Variants in SUZ12 observed in about 807,000 individuals in gnomAD.
SUZ12 encodes the protein SUZ12 polycomb repressive complex 2 subunit.
A neutral mutation model predicts 87.3 loss-of-function variants in SUZ12; 17 were observed. The ratio of observed to expected loss-of-function variants is 0.19; its 90% CI spans 0.13 to 0.29. SUZ12 has a LOEUF of 0.29. Ranked by LOEUF, SUZ12 falls within the 10% of genes least tolerant of loss-of-function variation. The pLI, the probability that SUZ12 is intolerant of heterozygous loss-of-function variation, is 1.00. For missense variants in SUZ12, 526 were observed against 912.2 expected (o/e 0.58, Z 5.45); for synonymous variants, 253 against 312.4 (o/e 0.81, Z 2.01).
intron 15 of SUZ12, 137 bp downstream of exon 15, chr17:31,997,014 A>G (rs1158328559): frequency 1.6e-6 from 1 of 606,684 alleles, no homozygotes; most frequent in African/African-American, 1.9e-5. Context: ...ATTTTATTCT[A>G]TTCCAATGTT....
Position 31,973,243 on chromosome 17 carries a change from A to G in SUZ12, c.591+12A>G, listed in dbSNP as rs550954961. 7.3e-7 allele frequency: 1 copy of G among 1,378,484 alleles called. No individual in the cohort carries two copies. Among genetic ancestry groups the G allele is most frequent in the East Asian group, 2.5e-5 (1 of 40,138 alleles). 85.4% of individuals were successfully genotyped at this position (1,378,484 alleles called of 1,614,324 possible). On this transcript the variant is annotated intron_variant, in intron 6 of 15. Transcript: ENST00000322652. ...ACAAAAAAAGAAAGGTAATGTCAAC[A>G]AAATGATATTGGTAGATTAAATGGA...
intron 4 of SUZ12, among the ~76,000 whole-genome samples, chr17:31,960,154 G>T (rs1296498365): frequency 6.6e-6 from 1 of 152,036 alleles, no homozygotes; most frequent in African/African-American, 2.4e-5. Flanking sequence ...CTTTTCCTTG[G>T]AACAAACCAC....
In SUZ12 at chr17:31,986,379, G is replaced by T. The variant is rs1013194036; in HGVS notation, c.1024-1941G>T. ...TCCTTAATTGACTAAACCAGTGCTG[G>T]TCTAATAGATAATTGGGTTATTTGA... On this transcript the variant is annotated intron_variant, in intron 9 of 15. Coordinates refer to ENST00000322652, the MANE Select transcript of SUZ12 (RefSeq NM_015355.4). Among the ~76,000 whole-genome samples the T allele has an allele frequency of 7.9e-5, 12 of 152,010 alleles. 1 individual carries two copies. The East Asian group carries it at 1.5e-3, about 20-fold the overall frequency.
chr17:31,997,666 CAAAAAAAA>C (rs892389046), intron 15 of SUZ12, among the ~76,000 whole-genome samples: 3 of 70,422 alleles, frequency 4.3e-5, no homozygotes, highest in East Asian at 4.8e-4. Flanking sequence ...ACCCTATCTC[CAAAAAAAA>C]AAAAAAAAAA....
At chr17:31,941,118 T>C (rs1029077625) in intron 3 of SUZ12, among the ~76,000 whole-genome samples, 5 of 150,776 alleles carry the variant, frequency 3.3e-5, no homozygotes, top group African/African-American at 1.2e-4. Flanking sequence ...TGTTTGTTTG[T>C]TTTTTTTTGA....
chr17:31,991,666 G>A (rs1021546045), intron 10 of SUZ12, among the ~76,000 whole-genome samples: 4 of 152,010 alleles, frequency 2.6e-5, no homozygotes, highest in East Asian at 1.9e-4. Context: ...GTGCAGTGGC[G>A]AAACCTCAGC....
chr17:31,992,164 C>T (rs898886229), intron 10 of SUZ12, among the ~76,000 whole-genome samples: 1 of 151,530 alleles, frequency 6.6e-6, no homozygotes, highest in African/African-American at 2.4e-5. Flanking sequence ...TGGTGGCGGG[C>T]GCCTGTAATC....
At chr17:31,949,776 C>T (rs532850882) in intron 4 of SUZ12, among the ~76,000 whole-genome samples, 5 of 140,428 alleles carry the variant, frequency 3.6e-5, no homozygotes, top group African/African-American at 1.3e-4. Context: ...CTCCACCTCC[C>T]GGGCTCAAGC....
intron 9 of SUZ12, among the ~76,000 whole-genome samples, chr17:31,985,346 A>G (rs473535): frequency 0.11 from 16,205 of 151,582 alleles, 1,060 homozygotes; most frequent in Middle Eastern, 0.15. Flanking sequence ...ATAATGAAAC[A>G]TTAGAAACAT....
intron 12 of SUZ12, chr17:31,994,299 C>A: frequency 2.3e-6 from 1 of 436,574 alleles, no homozygotes; most frequent in Non-Finnish European, 4.0e-6. Flanking sequence ...AATCCTCAAC[C>A]AACTCTTTGA....
intron 4 of SUZ12, among the ~76,000 whole-genome samples, chr17:31,956,868 C>T (rs1907377207): frequency 6.6e-6 from 1 of 152,052 alleles, no homozygotes; most frequent in Non-Finnish European, 1.5e-5. Flanking sequence ...CTCTGCCTCC[C>T]AGGTTCAGGG....
At chr17:31,960,167 A>G (rs939527347) in intron 4 of SUZ12, among the ~76,000 whole-genome samples, 1 of 151,986 alleles carries the variant, frequency 6.6e-6, no homozygotes, top group Non-Finnish European at 1.5e-5. Context: ...CAAACCACCT[A>G]TGGAAGGGAT....
chr17:31,963,390 G>A (rs538757103), intron 4 of SUZ12, among the ~76,000 whole-genome samples: 4 of 152,168 alleles, frequency 2.6e-5, no homozygotes, highest in East Asian at 3.9e-4. Flanking sequence ...TGATCCACCC[G>A]CCTCATCTCC....
rs1192523759 is a variant in SUZ12 at position 31,947,669 on chromosome 17, G to C, written c.439G>C (p.Glu147Gln). 1.4e-5 allele frequency: 22 copies of C among 1,607,696 alleles called. No individual in the cohort carries two copies. The highest frequency in any genetic ancestry group is 1.7e-5 in the Non-Finnish European group (20 of 1,176,340). ...ATCAAAAGTAGAGAAAATGAAAGGAGAGCAAGAATCTCATAGGTAAGATAA... is the reference window on the plus strand; with the variant it reads ...ATCAAAAGTAGAGAAAATGAAAGGACAGCAAGAATCTCATAGGTAAGATAA... ...MLSKVEKMKG[E>Q]QESHSLSAHL... The change falls in exon 4 of 16, where the codon GAG (glutamate) becomes CAG (glutamine). Residue 147 changes from glutamate (E) to glutamine (Q), a missense_variant. Glu to Gln is a conservative substitution (Grantham distance 29). Around this residue, in one of 9 missense-constraint regions of SUZ12, gnomAD observed 49 missense variants for 73.2 expected, o/e 0.67. Transcript: ENST00000322652.
chr17:31,956,857 C>T (rs1408532622), intron 4 of SUZ12, among the ~76,000 whole-genome samples: 1 of 152,016 alleles, frequency 6.6e-6, no homozygotes. Flanking sequence ...ATCACTGCAA[C>T]CTCTGCCTCC....
Position 32,000,518 on chromosome 17 carries a change from T to G in SUZ12, c.*1515T>G, listed in dbSNP as rs1910202177. 4.3e-6 allele frequency: 1 copy of G among 232,608 alleles called. No individual in the cohort carries two copies. The highest frequency in any genetic ancestry group is 8.5e-6 in the Non-Finnish European group (1 of 117,748). 14.4% of individuals were successfully genotyped at this position (232,608 alleles called of 1,614,324 possible). Reference sequence around the variant, plus strand: ...AACTGCAGCTTTCATTACAGATTCCTTGATTGGTAAGCTCTCCAAATGATG... The same window carrying G: ...AACTGCAGCTTTCATTACAGATTCCGTGATTGGTAAGCTCTCCAAATGATG... On this transcript the variant is annotated 3_prime_UTR_variant, in exon 16 of 16. Transcript: ENST00000322652.
intron 4 of SUZ12, among the ~76,000 whole-genome samples, chr17:31,957,568 C>T (rs575316317): frequency 4.3e-4 from 65 of 152,032 alleles, no homozygotes; most frequent in Admixed American, 2.2e-3. Context: ...CCTGCCACCA[C>T]GCCTAGCTAA....
chr17:31,976,756 C>G (rs1185500541), intron 8 of SUZ12, 142 bp downstream of exon 8: 1 of 644,158 alleles, frequency 1.6e-6, no homozygotes, highest in Admixed American at 3.2e-5. Flanking sequence ...TTTGCAAACA[C>G]TGAATTTTTG....
At position 31,996,692 on chromosome 17, in the gene SUZ12, G is replaced by A. The variant is rs1322943119; in HGVS notation, c.1795-106G>A. ...TTTTAAGAAATGTTGCCACTTTGCT[G>A]TATAAATATGTTGTATTTTTAGTTC... On this transcript the variant is annotated intron_variant, in intron 14 of 15. Transcript: ENST00000322652. 45 of 691,750 alleles carry A rather than the reference G, an allele frequency of 6.5e-5. No individual in the cohort carries two copies. In the South Asian group the frequency reaches 8.6e-4, roughly 13 times the overall value. 42.9% of individuals were successfully genotyped at this position (691,750 alleles called of 1,614,324 possible).
Sources: gnomAD v4.1 joint callset for allele counts (sites outside exome capture counted in the v4.1 genomes callset) on GRCh38, gnomAD v4.1.1 for gene constraint, gnomAD v4.1.1 regional missense constraint, MANE v1.5 for transcripts, NCBI Gene and HGNC (gene_info 2026-07-23, HGNC 2026-07-21) for gene names.